Variants in STK39 observed in about 807,000 individuals in gnomAD.
STK39 encodes the protein serine/threonine kinase 39.
STK39 carries 20 observed loss-of-function variants against 77.8 expected under a neutral mutation model. That is an observed-to-expected ratio of 0.26 (90% CI 0.18 to 0.37). The LOEUF is 0.37. Ranked by LOEUF, STK39 falls within the 10% of genes least tolerant of loss-of-function variation. The pLI, the probability that STK39 is intolerant of heterozygous loss-of-function variation, is 1.00. For missense variants in STK39, 479 were observed against 656.5 expected, an observed-to-expected ratio of 0.73 and a Z score of 2.95; for synonymous variants, 246 against 234.1, an observed-to-expected ratio of 1.05 and a Z score of -0.47.
chr2:167,993,027 G>A (rs1683740961), intron 16 of STK39, among the ~76,000 whole-genome samples: 1 of 152,200 alleles, frequency 6.6e-6, no homozygotes, highest in Admixed American at 6.5e-5. Flanking sequence ...AAAATGGGCT[G>A]CAAATAGCAC....
Position 168,138,173 on chromosome 2 carries a change from C to A in STK39, c.889G>T (p.Val297Leu), listed in dbSNP as rs372899334. 6.2e-7 allele frequency: 1 copy of A among 1,613,864 alleles called. No homozygotes were observed. The highest frequency in any genetic ancestry group is 1.3e-5 in the African/African-American group (1 of 75,032). Residue 297 changes from valine to leucine, a missense_variant, in exon 8 of 18, where the codon GTA becomes TTA. Coordinates refer to ENST00000355999, the MANE Select transcript of STK39 (RefSeq NM_013233.3). ...TTTTTCATCATTTCTTTATCCTCTA[C>A]CCCTGTTTCCAAAGTGGGTGGATCA... ...QNDPPTLETG[V>L]EDKEMMKKYG...
intron 12 of STK39, among the ~76,000 whole-genome samples, 195 bp from the exon 13 acceptor site, chr2:168,065,576 G>A (rs1685771345): frequency 6.6e-6 from 1 of 152,146 alleles, no homozygotes; most frequent in African/African-American, 2.4e-5. Flanking sequence ...GGCCCCTCCT[G>A]GCCTGTGACT....
At chr2:168,202,997 A>C (rs1354198037) in intron 1 of STK39, among the ~76,000 whole-genome samples, 1 of 152,200 alleles carries the variant, frequency 6.6e-6, no homozygotes, top group Non-Finnish European at 1.5e-5. Flanking sequence ...CACCTCTATC[A>C]GTAGAACAGC....
At chr2:168,066,457 T>A (rs1304319766) in intron 12 of STK39, among the ~76,000 whole-genome samples, 5 of 152,210 alleles carry the variant, frequency 3.3e-5, no homozygotes, top group Non-Finnish European at 5.9e-5. Flanking sequence ...ACAACCTGTA[T>A]TCATTAACCA....
intron 5 of STK39, among the ~76,000 whole-genome samples, chr2:168,160,444 G>A (rs1033313882): frequency 6.6e-6 from 1 of 152,184 alleles, no homozygotes; most frequent in Non-Finnish European, 1.5e-5. Context: ...GTTAGTCGTA[G>A]TAACAGAAGT....
chr2:167,999,726 T>G (rs1370363739), intron 16 of STK39, among the ~76,000 whole-genome samples: 1 of 152,130 alleles, frequency 6.6e-6, no homozygotes, highest in Non-Finnish European at 1.5e-5. Flanking sequence ...CCTCCCAAAG[T>G]GCTGGGATTA....
At chr2:168,222,307 C>G (rs978002808) in intron 1 of STK39, among the ~76,000 whole-genome samples, 1 of 152,130 alleles carries the variant, frequency 6.6e-6, no homozygotes, top group Non-Finnish European at 1.5e-5. Context: ...TCCCAATGTC[C>G]CCATCATTGC....
intron 4 of STK39, 121 bp from the exon 5 acceptor site, chr2:168,161,963 A>G: frequency 1.5e-6 from 1 of 647,832 alleles, no homozygotes; most frequent in South Asian, 2.5e-5. Context: ...AATTTCATAA[A>G]TATTAAGATA....
At chr2:168,174,902 A>G (rs1688918939) in intron 2 of STK39, among the ~76,000 whole-genome samples, 1 of 151,888 alleles carries the variant, frequency 6.6e-6, no homozygotes, top group Non-Finnish European at 1.5e-5. Flanking sequence ...TTGTCAGCCA[A>G]ATTGTACTGC....
At chr2:168,205,840 A>T (rs1245406251) in intron 1 of STK39, among the ~76,000 whole-genome samples, 1 of 152,126 alleles carries the variant, frequency 6.6e-6, no homozygotes, top group African/African-American at 2.4e-5. Flanking sequence ...TTTAAAAATA[A>T]AGAAAATTAT....
intron 8 of STK39, among the ~76,000 whole-genome samples, chr2:168,137,875 T>G (rs1445716051): frequency 1.3e-5 from 2 of 152,230 alleles, no homozygotes; most frequent in Admixed American, 1.3e-4. Context: ...CACCACAATT[T>G]TTCCTCTGCC....
intron 1 of STK39, among the ~76,000 whole-genome samples, chr2:168,185,769 TTGCATTTAG>T (rs748679621): frequency 1.3e-5 from 2 of 152,216 alleles, no homozygotes; most frequent in African/African-American, 4.8e-5. Context: ...AACTTCCTCT[TTGCATTTAG>T]TGCATTTAGT....
At chr2:168,103,128 G>A (rs979261548) in intron 10 of STK39, among the ~76,000 whole-genome samples, 7 of 151,408 alleles carry the variant, frequency 4.6e-5, no homozygotes, top group Admixed American at 3.9e-4. Context: ...TAATATTTTG[G>A]CTGCACCAGA....
intron 15 of STK39, among the ~76,000 whole-genome samples, chr2:168,013,944 TACTC>T (rs1254128751): frequency 2.0e-5 from 3 of 152,102 alleles, no homozygotes; most frequent in African/African-American, 7.2e-5. Flanking sequence ...ACATAGTAAA[TACTC>T]AATAAATGGT....
rs116607250 is a variant in STK39, at chr2:168,032,759, C to T, written c.1377-15664G>A. On this transcript the variant is annotated intron_variant, in intron 14 of 17. Transcript: ENST00000355999. Reference sequence around the variant, plus strand: ...AAAAACCTAAAAAACAGTGCCCCTGCGACTGGAGAGAGGAAAGAAGCTCTG... The same window carrying T: ...AAAAACCTAAAAAACAGTGCCCCTGTGACTGGAGAGAGGAAAGAAGCTCTG... Among the ~76,000 whole-genome samples the T allele has an allele frequency of 8.9e-3, 1,351 of 152,268 alleles. 17 individuals carry two copies. Among genetic ancestry groups the T allele is most frequent in the African/African-American group, 0.031 (1,286 of 41,544 alleles).
At chr2:168,223,574 G>C (rs1690231395) in intron 1 of STK39, among the ~76,000 whole-genome samples, 2 of 150,570 alleles carry the variant, frequency 1.3e-5, no homozygotes, top group Admixed American at 1.3e-4. Flanking sequence ...GAATCATAAA[G>C]CTAGGTCAGA....
At chr2:168,083,639 T>C (rs1301683678) in intron 10 of STK39, among the ~76,000 whole-genome samples, 4 of 152,006 alleles carry the variant, frequency 2.6e-5, no homozygotes, top group Admixed American at 2.6e-4. Context: ...TGCTAGAGCA[T>C]TAGCCCAGCA....
chr2:168,012,781 T>C, intron 15 of STK39, 79 bp from the exon 16 acceptor site: 1 of 1,208,354 alleles, frequency 8.3e-7, no homozygotes, highest in Non-Finnish European at 1.1e-6. Flanking sequence ...AAATATATAT[T>C]TTTCATTTAC....
chr2:168,116,791 C>G (rs1687271356), intron 10 of STK39, among the ~76,000 whole-genome samples: 1 of 152,190 alleles, frequency 6.6e-6, no homozygotes, highest in South Asian at 2.1e-4. Flanking sequence ...TTTCCTTCAC[C>G]TTCCCTACTC....
Sources: allele counts gnomAD v4.1 joint callset (sites outside exome capture counted in the v4.1 genomes callset), GRCh38; gene constraint gnomAD v4.1.1; transcripts MANE v1.5; gene names NCBI Gene and HGNC (gene_info 2026-07-23, HGNC 2026-07-21).